The following MTPN variants were observed in gnomAD, a reference collection of about 807,000 sequenced individuals.
MTPN encodes the protein myotrophin.
In MTPN, 2 loss-of-function variants were observed where a neutral mutation model predicts 13.5. That is an observed-to-expected ratio of 0.15 (90% CI 0.06 to 0.47). The LOEUF is 0.47. MTPN is among the 20% of genes least tolerant of loss of function. MTPN has a pLI of 0.97. For synonymous variants in MTPN, 46 were observed against 51.7 expected (o/e 0.89, Z 0.48); for missense variants, 79 against 137.9 (o/e 0.57, Z 2.14).
chr7:135,976,924 T>TTC, intron 1 of MTPN, 105 bp downstream of exon 1: 5 of 724,838 alleles, frequency 6.9e-6, no homozygotes, highest in South Asian at 1.4e-5. Flanking sequence ...AGGAAGTCTC[T>TTC]CCTCCCGCCC....
chr7:135,929,937 G>C lies in MTPN; in HGVS notation c.346C>G (p.Leu116Val). 1 of 1,613,902 alleles carries C rather than the reference G, an allele frequency of 6.2e-7. No homozygotes were observed. The highest frequency in any genetic ancestry group is 8.5e-7 in the Non-Finnish European group (1 of 1,179,844). ...EATDNQAIKA[L>V]LQ ...AGTCCATCCATCCATCACTGGAGAA[G>C]AGCTTTGATTGCCTGGTTGTCAGTG... The change falls in exon 4 of 4, where the codon CTT (leucine) becomes GTT (valine). Residue 116 changes from leucine (L) to valine (V), a missense_variant. Coordinates refer to ENST00000393085, the MANE Select transcript of MTPN (RefSeq NM_145808.4).
rs1256214338 is a variant in MTPN at position 135,927,507 on chromosome 7, A to G, written c.*2419T>C. On this transcript the variant is annotated 3_prime_UTR_variant, in exon 4 of 4. Coordinates refer to ENST00000393085, the MANE Select transcript of MTPN (RefSeq NM_145808.4). The stretch of plus-strand genomic sequence containing the variant: ...GAGATGTTAAGTATTACTTCAGTGG[A>G]GAACAAAACTTACTTAACCTTTCGC... The G allele has an allele frequency of 8.3e-7, 1 of 1,202,920 alleles. No individual in the cohort carries two copies. 74.5% of individuals were successfully genotyped at this position (1,202,920 alleles called of 1,614,324 possible).
chr7:135,971,343 C>T (rs987572527), intron 1 of MTPN, among the ~76,000 whole-genome samples: 1 of 152,180 alleles, frequency 6.6e-6, no homozygotes, highest in South Asian at 2.1e-4. Context: ...CAAGCACTCA[C>T]CTGTAAGCAT....
intron 3 of MTPN, 48 bp from the exon 4 acceptor site, chr7:135,930,060 A>C (rs1179919033): frequency 8.0e-6 from 12 of 1,500,712 alleles, no homozygotes; most frequent in Admixed American, 1.7e-5. Flanking sequence ...CAACTGGGGG[A>C]AGGGAATGTA....
chr7:135,967,545 A>G lies in MTPN; in HGVS notation c.72+9484T>C, dbSNP rs564587917. 8.5e-5 allele frequency among the ~76,000 whole-genome samples: 13 copies of G among 152,292 alleles called. No homozygotes were observed. The South Asian group carries it at 2.7e-3, about 32-fold the overall frequency. On this transcript the variant is annotated intron_variant, in intron 1 of 3. Coordinates refer to ENST00000393085, the MANE Select transcript of MTPN (RefSeq NM_145808.4). ...TTTCAATCTCAAATAGCACTATGAT[A>G]CTGGTCAAGGGCTTTCACACTTAAT... is the stretch of plus-strand genomic sequence containing the variant.
chr7:135,956,674 T>C (rs781297971), intron 1 of MTPN, among the ~76,000 whole-genome samples: 4 of 151,890 alleles, frequency 2.6e-5, no homozygotes, highest in Non-Finnish European at 4.4e-5. Context: ...CTCACCTATG[T>C]TCTGTATATC....
At chr7:135,976,980 T>C (rs779773824) in intron 1 of MTPN, 49 bp downstream of exon 1, 1 of 1,143,082 alleles carries the variant, frequency 8.7e-7, no homozygotes, top group Non-Finnish European at 1.2e-6. Context: ...CTCAGCCTCA[T>C]CTCCAGCCCA....
chr7:135,969,090 G>GC (rs1404288161), intron 1 of MTPN, among the ~76,000 whole-genome samples: 27 of 107,438 alleles, frequency 2.5e-4, no homozygotes, highest in South Asian at 7.0e-4. Context: ...TTGTGGGGTG[G>GC]GGGGGGGGGA....
intron 1 of MTPN, among the ~76,000 whole-genome samples, chr7:135,953,917 G>C (rs1222766701): frequency 6.6e-6 from 1 of 152,092 alleles, no homozygotes; most frequent in Non-Finnish European, 1.5e-5. Flanking sequence ...CATTACAACA[G>C]GGCCTCCTGT....
intron 1 of MTPN, among the ~76,000 whole-genome samples, chr7:135,958,893 T>C (rs1799482875): frequency 6.6e-6 from 1 of 152,124 alleles, no homozygotes; most frequent in African/African-American, 2.4e-5. Flanking sequence ...GTATTTCAGA[T>C]TATCTTTATA....
At chr7:135,959,701 GAGTTT>G (rs1473219861) in intron 1 of MTPN, among the ~76,000 whole-genome samples, 1 of 152,030 alleles carries the variant, frequency 6.6e-6, no homozygotes, top group African/African-American at 2.4e-5. Flanking sequence ...AATATCCCTA[GAGTTT>G]AATATATGCC....
intron 1 of MTPN, among the ~76,000 whole-genome samples, chr7:135,966,394 C>G (rs1051146991): frequency 3.3e-5 from 5 of 152,082 alleles, no homozygotes; most frequent in Non-Finnish European, 2.9e-5. Flanking sequence ...TGACTGGGAG[C>G]TGCGACTCCC....
At chr7:135,950,972 A>C (rs1799356720) in intron 2 of MTPN, among the ~76,000 whole-genome samples, 1 of 152,140 alleles carries the variant, frequency 6.6e-6, no homozygotes, top group Admixed American at 6.5e-5. Flanking sequence ...AGCCTCTCTA[A>C]GCCTTGATTC....
At chr7:135,934,772 C>T (rs1317990674) in intron 3 of MTPN, among the ~76,000 whole-genome samples, 1 of 152,202 alleles carries the variant, frequency 6.6e-6, no homozygotes, top group Non-Finnish European at 1.5e-5. Flanking sequence ...AGTATTATCT[C>T]CACATTCTCC....
intron 1 of MTPN, among the ~76,000 whole-genome samples, chr7:135,956,236 TC>T (rs1174805057): frequency 6.6e-6 from 1 of 152,164 alleles, no homozygotes; most frequent in African/African-American, 2.4e-5. Context: ...TCTATATAGT[TC>T]CTTTCTTCCC....
intron 3 of MTPN, among the ~76,000 whole-genome samples, chr7:135,937,081 A>T (rs1799126616): frequency 6.6e-6 from 1 of 152,192 alleles, no homozygotes; most frequent in South Asian, 2.1e-4. Context: ...TACTTCAGAC[A>T]GCCTAATTCC....
chr7:135,949,713 A>G (rs770416733), intron 3 of MTPN, among the ~76,000 whole-genome samples: 1 of 152,214 alleles, frequency 6.6e-6, no homozygotes, highest in Non-Finnish European at 1.5e-5. Context: ...TGAAGCTGAC[A>G]CTACAAAGCA....
chr7:135,976,375 T>A (rs531790666), intron 1 of MTPN, among the ~76,000 whole-genome samples: 3 of 152,320 alleles, frequency 2.0e-5, no homozygotes, highest in African/African-American at 7.2e-5. Context: ...TTAAAAACTA[T>A]TCAGATACCT....
intron 1 of MTPN, among the ~76,000 whole-genome samples, chr7:135,961,255 G>A (rs1799517465): frequency 6.6e-6 from 1 of 151,962 alleles, no homozygotes; most frequent in Admixed American, 6.6e-5. Flanking sequence ...TCTGAACTCA[G>A]GAAAGACCTG....
Sources: allele counts gnomAD v4.1 joint callset (sites outside exome capture counted in the v4.1 genomes callset), GRCh38; gene constraint gnomAD v4.1.1; transcripts MANE v1.5; gene names NCBI Gene and HGNC (gene_info 2026-07-23, HGNC 2026-07-21).